The following RNF2 variants were observed in gnomAD, a reference collection of about 807,000 sequenced individuals.
The protein encoded by RNF2 is ring finger protein 2, also known as E3 ubiquitin-protein ligase RING2.
RNF2 carries 6 observed loss-of-function variants against 37.2 expected under a neutral mutation model. The observed-to-expected ratio is 0.16, with a 90% CI of 0.09 to 0.32. RNF2 has a LOEUF of 0.32. Ranked by LOEUF, RNF2 falls within the 10% of genes least tolerant of loss-of-function variation. The pLI is 1.00. For synonymous variants in RNF2, 133 were observed against 132.7 expected, an observed-to-expected ratio of 1.00 and a Z score of -0.02; for missense variants, 251 against 404.0, an observed-to-expected ratio of 0.62 and a Z score of 3.25.
At chr1:185,072,833 G>T (rs1651025469) in intron 1 of RNF2, among the ~76,000 whole-genome samples, 1 of 152,092 alleles carries the variant, frequency 6.6e-6, no homozygotes, top group Non-Finnish European at 1.5e-5. Flanking sequence ...CCAGCTACTT[G>T]GGAGTCTGAG....
chr1:185,064,591 G>A (rs1172276824), intron 1 of RNF2, among the ~76,000 whole-genome samples: 3 of 152,172 alleles, frequency 2.0e-5, no homozygotes, highest in African/African-American at 7.2e-5. Flanking sequence ...TCAACTTACT[G>A]TGGTTTCACT....
chr1:185,052,905 C>T (rs1467614987), intron 1 of RNF2, among the ~76,000 whole-genome samples: 1 of 152,196 alleles, frequency 6.6e-6, no homozygotes. Context: ...GGCTGTACTA[C>T]AGCTACAGTG....
In RNF2 at chr1:185,090,625, T is replaced by C. The variant is rs548464212; in HGVS notation, c.88-954T>C. Among the ~76,000 whole-genome samples, 3 of 152,328 alleles carry C rather than the reference T, an allele frequency of 2.0e-5. No homozygotes were observed. In the South Asian group the frequency reaches 6.2e-4, roughly 32 times the overall value. On this transcript the variant is annotated intron_variant, in intron 2 of 6. Transcript: ENST00000367510. ...CCATATAAAGAAAGCACAAGTATGA[T>C]GGACTGCCAGTGGAAACAGGAAGCA...
rs771230269 is a variant in RNF2 at position 185,087,628 on chromosome 1, A to G, written c.75A>G (p.Gln25=). The change falls in exon 2 of 7, where the codon CAA becomes CAG. Residue 25 remains glutamine, a synonymous_variant. Transcript: ENST00000367510. ...KTWELSLYEL[Q]RTPQEAITDG... ...GGGAACTCAGTTTATATGAGTTACA[A>G]CGAACACCTCAGGTAATGACTAAGA... The G allele has an allele frequency of 6.2e-6, 10 of 1,613,684 alleles. No homozygotes were observed. Among genetic ancestry groups the G allele is most frequent in the African/African-American group, 1.3e-5 (1 of 74,932 alleles).
chr1:185,072,943 AAAAC>A (rs1293917140), intron 1 of RNF2, among the ~76,000 whole-genome samples: 1 of 152,152 alleles, frequency 6.6e-6, no homozygotes, highest in Non-Finnish European at 1.5e-5. Context: ...CTGTCTCAAA[AAAAC>A]AAACAAAAAA....
chr1:185,065,956 ATTT>A (rs57453569), intron 1 of RNF2, among the ~76,000 whole-genome samples: 1 of 138,660 alleles, frequency 7.2e-6, no homozygotes, highest in African/African-American at 2.7e-5. Context: ...ATACTGTCTC[ATTT>A]TTTTTTTTTT....
rs564319689 is a variant in RNF2 at position 185,092,267 on chromosome 1, C to A, written c.248+528C>A. 5.3e-5 allele frequency among the ~76,000 whole-genome samples: 8 copies of A among 152,094 alleles called. No individual in the cohort carries two copies. The South Asian group carries it at 1.7e-3, about 32-fold the overall frequency. On this transcript the variant is annotated intron_variant, in intron 3 of 6. Coordinates refer to ENST00000367510, the MANE Select transcript of RNF2 (RefSeq NM_007212.4). ...TCTCGGCTCACTGCAACCTCCACCT[C>A]CCGGGTTCAAGTGATTCTCCTGCCT...
chr1:185,060,477 A>G (rs914955887), intron 1 of RNF2, among the ~76,000 whole-genome samples: 5 of 152,212 alleles, frequency 3.3e-5, no homozygotes, highest in African/African-American at 1.2e-4. Context: ...TAAGGACTCA[A>G]AATTTTTCTG....
rs149710576 is a variant in RNF2 at position 185,099,746 on chromosome 1, T to C, written c.738-45T>C. 855 of 1,510,990 alleles carry C rather than the reference T, an allele frequency of 5.7e-4. 3 individuals carry two copies. The African/African-American group carries it at 0.011, about 19-fold the overall frequency. 93.6% of individuals were successfully genotyped at this position (1,510,990 alleles called of 1,614,324 possible). On this transcript the variant is annotated intron_variant, in intron 5 of 6. Coordinates refer to ENST00000367510, the MANE Select transcript of RNF2 (RefSeq NM_007212.4). ...CCATAATTTAAGTACATTTTTCTCA[T>C]TGGCATATTCTAGAAATGAAATTTT...
intron 1 of RNF2, among the ~76,000 whole-genome samples, chr1:185,079,871 A>C (rs1373174054): frequency 6.6e-6 from 1 of 152,110 alleles, no homozygotes; most frequent in Non-Finnish European, 1.5e-5. Context: ...TGGAGGTTGC[A>C]GTGAGCTGAG....
intron 1 of RNF2, among the ~76,000 whole-genome samples, chr1:185,056,273 T>C (rs1384090558): frequency 6.6e-6 from 1 of 152,146 alleles, no homozygotes; most frequent in African/African-American, 2.4e-5. Context: ...ATCTTTGGAA[T>C]AATTGATTTA....
intron 2 of RNF2, among the ~76,000 whole-genome samples, chr1:185,089,731 T>G (rs1285509215): frequency 1.3e-5 from 2 of 151,994 alleles, no homozygotes; most frequent in African/African-American, 4.8e-5. Context: ...CAATTGTGTT[T>G]ATAAGATGGA....
At position 185,100,887 on chromosome 1, in the gene RNF2, C is replaced by G. The variant is rs1360187189; in HGVS notation, c.*586C>G. The G allele has an allele frequency of 6.6e-6, 1 of 152,154 alleles. No individual in the cohort carries two copies. Among genetic ancestry groups the G allele is most frequent in the Non-Finnish European group, 1.5e-5 (1 of 67,908 alleles). 9.4% of individuals were successfully genotyped at this position (152,154 alleles called of 1,614,324 possible). ...AAGAAGTTCTTTATGAACTTAGTGT[C>G]CATTGTCATGCAATGTTTTTTTTTT... On this transcript the variant is annotated 3_prime_UTR_variant, in exon 7 of 7. Coordinates refer to ENST00000367510, the MANE Select transcript of RNF2 (RefSeq NM_007212.4).
In RNF2 at chr1:185,101,188, C is replaced by T. The variant is rs1652067820; in HGVS notation, c.*887C>T. ...TGCACTTTAGCCTTGATGAAAAGTACAAGATATGTTCAAAGCTTCCCTAAT... is the reference window on the plus strand; with the variant it reads ...TGCACTTTAGCCTTGATGAAAAGTATAAGATATGTTCAAAGCTTCCCTAAT... On this transcript the variant is annotated 3_prime_UTR_variant, in exon 7 of 7. Coordinates refer to ENST00000367510, the MANE Select transcript of RNF2 (RefSeq NM_007212.4). 1 of 152,404 alleles carries T rather than the reference C, an allele frequency of 6.6e-6. No individual in the cohort carries two copies. Among genetic ancestry groups the T allele is most frequent in the African/African-American group, 2.4e-5 (1 of 41,400 alleles). The allele number at this position is 152,404 out of a possible 1,614,324, so 9.4% of individuals were successfully genotyped here.
chr1:185,094,209 T>C (rs1255059483), intron 4 of RNF2, among the ~76,000 whole-genome samples: 2 of 152,082 alleles, frequency 1.3e-5, no homozygotes, highest in South Asian at 2.1e-4. Context: ...TGGCACCATC[T>C]TGGCTCACTG....
chr1:185,054,003 C>CG (rs1557958758), intron 1 of RNF2, among the ~76,000 whole-genome samples: 18 of 152,142 alleles, frequency 1.2e-4, no homozygotes, highest in African/African-American at 4.1e-4. Flanking sequence ...ATTCCCCCCC[C>CG]ACCCAGTGTT....
chr1:185,090,151 A>G (rs1651726279), intron 2 of RNF2, among the ~76,000 whole-genome samples: 1 of 151,824 alleles, frequency 6.6e-6, no homozygotes, highest in African/African-American at 2.4e-5. Context: ...CGAACTTCTG[A>G]CCTTGTGATC....
rs79595520 is a variant in RNF2 at position 185,087,914 on chromosome 1, T to C, written c.87+274T>C. On this transcript the variant is annotated intron_variant, in intron 2 of 6. Transcript: ENST00000367510. The stretch of plus-strand genomic sequence containing the variant: ...TACAGACATTGAAAAAGTACATATC[T>C]ATAAAATTCACATGTGAGAAGTTGT... Among the ~76,000 whole-genome samples the C allele has an allele frequency of 5.3e-3, 803 of 152,318 alleles. 8 individuals carry two copies. Among genetic ancestry groups the C allele is most frequent in the African/African-American group, 0.019 (774 of 41,566 alleles).
chr1:185,070,763 C>G (rs964788572), intron 1 of RNF2, among the ~76,000 whole-genome samples: 1 of 151,970 alleles, frequency 6.6e-6, no homozygotes, highest in South Asian at 2.1e-4. Context: ...TTCAGCCTCC[C>G]GAGTAGCTGG....
Sources: gnomAD v4.1 joint callset for allele counts (sites outside exome capture counted in the v4.1 genomes callset) on GRCh38, gnomAD v4.1.1 for gene constraint, MANE v1.5 for transcripts, NCBI Gene and HGNC (gene_info 2026-07-23, HGNC 2026-07-21) for gene names.